DLC1: variants seen among roughly 807,000 people sequenced by gnomAD.
DLC1 encodes the protein DLC1 Rho GTPase activating protein.
In DLC1, 54 loss-of-function variants were observed where a neutral mutation model predicts 140.3. That is an observed-to-expected ratio of 0.38 (90% CI 0.31 to 0.48). The LOEUF (loss-of-function observed/expected upper bound fraction) is 0.48, where lower values mean the gene tolerates loss of function less well. DLC1 is among the 20% of genes least tolerant of loss of function. The probability of loss-of-function intolerance (pLI) is 0.96; values close to 1 mark genes in which losing one functional copy is unlikely to be tolerated. For synonymous variants in DLC1, 986 were observed against 728.1 expected, an observed-to-expected ratio of 1.35 and a Z score of -5.70; for missense variants, 2,536 against 1,907.0, an observed-to-expected ratio of 1.33 and a Z score of -6.14.
chr8:13,392,505 C>T (rs958200180), intron 4 of DLC1, among the ~76,000 whole-genome samples: 2 of 152,074 alleles, frequency 1.3e-5, no homozygotes, highest in Admixed American at 6.6e-5. Context: ...AGAGTATTAT[C>T]TTTTGAGTCC....
In DLC1 at chr8:13,501,420, A is replaced by G; in HGVS notation, c.-125-1224T>C. On this transcript the variant is annotated intron_variant, in intron 1 of 17. Coordinates refer to ENST00000276297, the MANE Select transcript of DLC1 (RefSeq NM_182643.3). ...CTATATTATTGGACTGTAAAAGAAA[A>G]ATCCCATTCACAGAGCAGACACTTT... Among the ~76,000 whole-genome samples, 2 of 152,180 alleles carry G rather than the reference A, an allele frequency of 1.3e-5. 1 individual carries two copies. Among genetic ancestry groups the G allele is most frequent in the Admixed American group, 1.3e-4 (2 of 15,276 alleles).
At chr8:13,381,655 A>G (rs1332735667) in intron 4 of DLC1, among the ~76,000 whole-genome samples, 1 of 152,176 alleles carries the variant, frequency 6.6e-6, no homozygotes, top group East Asian at 1.9e-4. Context: ...GTTTGTAACC[A>G]CATGAGTATA....
intron 4 of DLC1, among the ~76,000 whole-genome samples, chr8:13,387,943 C>T (rs572388550): frequency 1.1e-4 from 16 of 152,096 alleles, no homozygotes; most frequent in Non-Finnish European, 2.4e-4. Context: ...TTTGCACAGT[C>T]TTTGAAAGAC....
chr8:13,411,571 A>C (rs1679165617), intron 2 of DLC1, among the ~76,000 whole-genome samples: 1 of 152,194 alleles, frequency 6.6e-6, no homozygotes, highest in East Asian at 1.9e-4. Context: ...GTCATTGTAG[A>C]GTCATTGATT....
At position 13,361,631 on chromosome 8, in the gene DLC1, T is replaced by C. The variant is rs149654663; in HGVS notation, c.1314+31922A>G. Among the ~76,000 whole-genome samples the C allele has an allele frequency of 4.3e-4, 66 of 152,238 alleles. 1 individual carries two copies. The Middle Eastern group carries it at 0.01, about 24-fold the overall frequency. Reference sequence around the variant, plus strand: ...GGTATCATTTTAAATAAGTAGAATGTGTTTAAAAAGTCCCCTTTACATATT... The same window carrying C: ...GGTATCATTTTAAATAAGTAGAATGCGTTTAAAAAGTCCCCTTTACATATT... On this transcript the variant is annotated intron_variant, in intron 4 of 17. Transcript: ENST00000276297.
chr8:13,100,825 C>T (rs1388629129), intron 8 of DLC1, 55 bp from the exon 9 acceptor site: 1 of 1,511,200 alleles, frequency 6.6e-7, no homozygotes, highest in African/African-American at 1.4e-5. Flanking sequence ...CAGCAGGGAG[C>T]AGGGCATGAG....
At chr8:13,088,731 C>A (rs112501210) in intron 15 of DLC1, 27 bp from the exon 16 acceptor site, 1 of 1,609,316 alleles carries the variant, frequency 6.2e-7, no homozygotes. Flanking sequence ...TTTTTCAGTG[C>A]CAAGGCAATC....
intron 4 of DLC1, among the ~76,000 whole-genome samples, chr8:13,327,656 T>A (rs1220577125): frequency 6.6e-6 from 1 of 152,138 alleles, no homozygotes; most frequent in Non-Finnish European, 1.5e-5. Context: ...CTGCATAGTA[T>A]CCATCCATCC....
chr8:13,137,392 A>C (rs1006152279), intron 5 of DLC1, among the ~76,000 whole-genome samples: 1 of 152,164 alleles, frequency 6.6e-6, no homozygotes, highest in Non-Finnish European at 1.5e-5. Flanking sequence ...TGTTCAATGT[A>C]GCCTGTTTCA....
At chr8:13,283,325 C>G (rs189068120) in intron 5 of DLC1, among the ~76,000 whole-genome samples, 88 of 150,618 alleles carry the variant, frequency 5.8e-4, no homozygotes, top group East Asian at 1.9e-3. Flanking sequence ...CACACACACA[C>G]AGAAAAGAAA....
intron 2 of DLC1, among the ~76,000 whole-genome samples, chr8:13,458,236 C>T (rs933102502): frequency 7.9e-5 from 12 of 152,108 alleles, no homozygotes; most frequent in African/African-American, 2.2e-4. Context: ...ATGTTTATTA[C>T]CATTAGTTGT....
intron 5 of DLC1, among the ~76,000 whole-genome samples, chr8:13,206,853 T>C (rs185000893): frequency 1.3e-5 from 2 of 151,774 alleles, no homozygotes; most frequent in African/African-American, 4.9e-5. Context: ...GCACATGACT[T>C]ACTAATTTTT....
intron 4 of DLC1, among the ~76,000 whole-genome samples, chr8:13,360,878 TA>T (rs34727464): frequency 0.19 from 27,949 of 143,516 alleles, 3,107 homozygotes; most frequent in South Asian, 0.25. Context: ...TTATACACAT[TA>T]TTTTTTTTTT....
Position 13,500,166 on chromosome 8 carries a change from A to C in DLC1, c.-95T>G. Reference sequence around the variant, plus strand: ...AAGATTATTTCAAAATCACCAATCAAAGAAGCGAATGAGTTCTGTCATTTC... The same window carrying C: ...AAGATTATTTCAAAATCACCAATCACAGAAGCGAATGAGTTCTGTCATTTC... On this transcript the variant is annotated 5_prime_UTR_variant, in exon 2 of 18. Coordinates refer to ENST00000276297, the MANE Select transcript of DLC1 (RefSeq NM_182643.3). 8.5e-7 allele frequency: 1 copy of C among 1,175,504 alleles called. No homozygotes were observed. Among genetic ancestry groups the C allele is most frequent in the East Asian group, 2.4e-5 (1 of 42,172 alleles). 72.8% of individuals were successfully genotyped at this position (1,175,504 alleles called of 1,614,324 possible). A position where few individuals can be genotyped will look rare whatever the true frequency, so the allele number is the denominator to read the frequency against.
intron 5 of DLC1, among the ~76,000 whole-genome samples, chr8:13,256,800 T>C (rs896993671): frequency 1.3e-5 from 2 of 151,168 alleles, no homozygotes; most frequent in Non-Finnish European, 2.9e-5. Context: ...GATGATGGGT[T>C]GATGGGTGCA....
chr8:13,127,165 T>C (rs554566308), intron 5 of DLC1, among the ~76,000 whole-genome samples: 1 of 152,392 alleles, frequency 6.6e-6, no homozygotes, highest in South Asian at 2.1e-4. Context: ...TCACCAGTAT[T>C]GCTTGGGACA....
At chr8:13,495,229 A>G (rs892110886) in intron 2 of DLC1, among the ~76,000 whole-genome samples, 35 of 152,318 alleles carry the variant, frequency 2.3e-4, no homozygotes, top group African/African-American at 8.4e-4. Context: ...CAGAAGACTG[A>G]ATTTTGTACT....
chr8:13,313,551 G>A (rs921102839), intron 4 of DLC1, among the ~76,000 whole-genome samples: 3 of 152,090 alleles, frequency 2.0e-5, no homozygotes, highest in African/African-American at 7.2e-5. Context: ...TGCATGGGAA[G>A]GGATTATCAC....
intron 1 of DLC1, among the ~76,000 whole-genome samples, chr8:13,548,684 A>C (rs1362381229): frequency 6.6e-6 from 1 of 152,000 alleles, no homozygotes. Context: ...TTGACATCGT[A>C]ACTTAAGAGC....
Sources: gnomAD v4.1 joint callset for allele counts (sites outside exome capture counted in the v4.1 genomes callset) on GRCh38, gnomAD v4.1.1 for gene constraint, MANE v1.5 for transcripts, NCBI Gene and HGNC (gene_info 2026-07-23, HGNC 2026-07-21) for gene names.